Variants in EXOSC10 observed in about 807,000 individuals in gnomAD.
The protein encoded by EXOSC10 is exosome complex component 10.
A neutral mutation model predicts 126.6 loss-of-function variants in EXOSC10; 94 were observed. The observed-to-expected ratio is 0.74, with a 90% CI of 0.63 to 0.88. The LOEUF is 0.88. EXOSC10 is among the 40% of genes least tolerant of loss of function. The pLI, the probability that EXOSC10 is intolerant of heterozygous loss-of-function variation, is 0.00. For synonymous variants in EXOSC10, 395 were observed against 400.8 expected (o/e 0.99, Z 0.17); for missense variants, 1,041 against 1,100.5 (o/e 0.95, Z 0.77).
Position 11,072,082 on chromosome 1 carries a change from G to A in EXOSC10, c.2242+5C>T, listed in dbSNP as rs1284723420. On this transcript the variant is annotated splice_donor_5th_base_variant and intron_variant, in intron 20 of 24. Transcript: ENST00000376936. ...CCGACTGAGTTGCAAGGAAGTGAGTGTTACCTGTTTGCTCAGCTGCCTTCT... is the reference window on the plus strand; with the variant it reads ...CCGACTGAGTTGCAAGGAAGTGAGTATTACCTGTTTGCTCAGCTGCCTTCT... 3 of 1,610,782 alleles carry A rather than the reference G, an allele frequency of 1.9e-6. No individual in the cohort carries two copies. Among genetic ancestry groups the A allele is most frequent in the Admixed American group, 3.4e-5 (2 of 59,512 alleles).
chr1:11,077,876 T>C (rs1639908933), intron 14 of EXOSC10, among the ~76,000 whole-genome samples: 2 of 152,144 alleles, frequency 1.3e-5, no homozygotes, highest in South Asian at 4.1e-4. Flanking sequence ...CTAAGCACAA[T>C]AGGAAGGATT....
rs961008302 is a variant in EXOSC10, at chr1:11,091,724, T to C, written c.373-127A>G. Reference sequence around the variant, plus strand: ...CCCAGGCTGGAGTGCAGTGGCGCAATCTTGCCTCACTGCAACTCTTTACAG... The same window carrying C: ...CCCAGGCTGGAGTGCAGTGGCGCAACCTTGCCTCACTGCAACTCTTTACAG... On this transcript the variant is annotated intron_variant, in intron 3 of 24. Transcript: ENST00000376936. 5 of 636,576 alleles carry C rather than the reference T, an allele frequency of 7.9e-6. No homozygotes were observed. The African/African-American group carries it at 9.2e-5, about 12-fold the overall frequency. The allele number at this position is 636,576 out of a possible 1,614,324, so 39.4% of individuals were successfully genotyped here.
chr1:11,080,644 G>GATGCTGTC, intron 12 of EXOSC10, 95 bp from the exon 13 acceptor site: 3 of 1,603,104 alleles, frequency 1.9e-6, no homozygotes, highest in Non-Finnish European at 2.5e-6. Context: ...AGTTCCATTA[G>GATGCTGTC]ATGCTGTCAC....
intron 1 of EXOSC10, among the ~76,000 whole-genome samples, chr1:11,099,480 G>A (rs1412560845): frequency 6.6e-6 from 1 of 152,250 alleles, no homozygotes; most frequent in African/African-American, 2.4e-5. Context: ...CAGGATGCGA[G>A]ACGGCTTTCC....
intron 14 of EXOSC10, among the ~76,000 whole-genome samples, chr1:11,078,479 G>C (rs979693832): frequency 3.0e-4 from 46 of 151,882 alleles, no homozygotes; most frequent in African/African-American, 1.1e-3. Context: ...GGATGGTCTC[G>C]ATCTCCTGAC....
chr1:11,097,789 A>G (rs1423337475), intron 2 of EXOSC10, among the ~76,000 whole-genome samples: 1 of 152,230 alleles, frequency 6.6e-6, no homozygotes, highest in African/African-American at 2.4e-5. Flanking sequence ...AGATTTGTAC[A>G]AAAGTCAATA....
chr1:11,088,290 T>C, intron 6 of EXOSC10, 92 bp from the exon 7 acceptor site: 1 of 846,618 alleles, frequency 1.2e-6, no homozygotes. Flanking sequence ...TAAAAACAAA[T>C]GAGAAAAGAC....
chr1:11,070,521 C>CAAAAAA (rs70977541), intron 21 of EXOSC10: 1 of 112,670 alleles, frequency 8.9e-6, no homozygotes, highest in African/African-American at 4.0e-5. Context: ...GACACTACTT[C>CAAAAAA]AAAAAAAAAA....
At chr1:11,075,767 T>C (rs556219899) in intron 17 of EXOSC10, among the ~76,000 whole-genome samples, 2 of 146,402 alleles carry the variant, frequency 1.4e-5, no homozygotes, top group African/African-American at 2.6e-5. Context: ...GGCAGAGGGA[T>C]TGCTTGAGCC....
At chr1:11,071,825 T>A (rs1158394556) in intron 20 of EXOSC10, 6 of 398,712 alleles carry the variant, frequency 1.5e-5, no homozygotes, top group Admixed American at 4.3e-5. Flanking sequence ...TCACTGCAGG[T>A]CTCGTCAATG....
chr1:11,088,266 T>G (rs530614870), intron 6 of EXOSC10, 68 bp from the exon 7 acceptor site: 36 of 1,140,832 alleles, frequency 3.2e-5, no homozygotes, highest in African/African-American at 2.3e-4. Context: ...AAATAATGCC[T>G]TTTATCCAAT....
intron 3 of EXOSC10, among the ~76,000 whole-genome samples, chr1:11,094,874 G>A (rs1195470260): frequency 1.3e-5 from 2 of 151,710 alleles, no homozygotes; most frequent in Non-Finnish European, 2.9e-5. Flanking sequence ...TTCTGGGATT[G>A]TAGGTGTGAG....
chr1:11,078,587 A>G (rs1050844587), intron 14 of EXOSC10, among the ~76,000 whole-genome samples: 2 of 152,190 alleles, frequency 1.3e-5, no homozygotes, highest in Non-Finnish European at 2.9e-5. Flanking sequence ...ACAACAACAA[A>G]AAAAACAAAA....
intron 20 of EXOSC10, 54 bp from the exon 21 acceptor site, chr1:11,071,027 CCTCCAT>C: frequency 2.6e-6 from 4 of 1,532,706 alleles, no homozygotes; most frequent in Non-Finnish European, 3.6e-6. Context: ...ACCACCCTCC[CCTCCAT>C]CTCCATCCCC....
At chr1:11,089,143 A>G (rs997427066) in intron 6 of EXOSC10, among the ~76,000 whole-genome samples, 7 of 145,606 alleles carry the variant, frequency 4.8e-5, no homozygotes, top group Admixed American at 4.2e-4. Context: ...AGGCAGGGGG[A>G]TTGCTTGAGC....
intron 9 of EXOSC10, among the ~76,000 whole-genome samples, chr1:11,084,441 T>C (rs1451435102): frequency 6.6e-6 from 1 of 152,264 alleles, no homozygotes; most frequent in Non-Finnish European, 1.5e-5. Context: ...GAGAAGTGTC[T>C]GTTCATGTCC....
At position 11,091,021 on chromosome 1, in the gene EXOSC10, G is replaced by C; in HGVS notation, c.636C>G (p.Leu212=). The change falls in exon 5 of 25, where the codon CTC becomes CTG. Residue 212 remains leucine, a synonymous_variant. Coordinates refer to ENST00000376936, the MANE Select transcript of EXOSC10 (RefSeq NM_001001998.3). ...IFIKPNAQKP[L]PQALSKERRE... ...AAAGTATGCACTATTTACCTTGAGGGAGAGGTTTCTGAGCATTGGGTTTGA... is the reference window on the plus strand; with the variant it reads ...AAAGTATGCACTATTTACCTTGAGGCAGAGGTTTCTGAGCATTGGGTTTGA... 2 of 1,613,722 alleles carry C rather than the reference G, an allele frequency of 1.2e-6. No individual in the cohort carries two copies. Among genetic ancestry groups the C allele is most frequent in the Non-Finnish European group, 1.7e-6 (2 of 1,179,852 alleles).
chr1:11,083,562 C>CAAAAAAAAAAAAAAAAAAAAAAAAAAAA (rs35412224), intron 9 of EXOSC10, among the ~76,000 whole-genome samples: 7 of 65,898 alleles, frequency 1.1e-4, no homozygotes, highest in African/African-American at 2.0e-4. Flanking sequence ...AACTCCGTCT[C>CAAAAAAAAAAAAAAAAAAAAAAAAAAAA]AAAAAAAAAA....
At position 11,071,972 on chromosome 1, in the gene EXOSC10, A is replaced by G. The variant is rs1639523368; in HGVS notation, c.2242+115T>C. On this transcript the variant is annotated intron_variant, in intron 20 of 24. Coordinates refer to ENST00000376936, the MANE Select transcript of EXOSC10 (RefSeq NM_001001998.3). ...CTGATTGCCCACCATCCCTCAGCAG[A>G]AGGGAAGCCCCACAGGGGCTTCATT... The G allele has an allele frequency of 6.3e-6, 5 of 791,740 alleles. No homozygotes were observed. The Middle Eastern group carries it at 1.5e-3, about 232-fold the overall frequency. 49.0% of individuals were successfully genotyped at this position (791,740 alleles called of 1,614,324 possible).
Sources: allele counts gnomAD v4.1 joint callset (sites outside exome capture counted in the v4.1 genomes callset), GRCh38; gene constraint gnomAD v4.1.1; transcripts MANE v1.5; gene names NCBI Gene and HGNC (gene_info 2026-07-23, HGNC 2026-07-21).